The following GPRIN2 variants were observed in gnomAD, a reference collection of about 807,000 sequenced individuals.
The protein encoded by GPRIN2 is G protein-regulated inducer of neurite outgrowth 2.
A neutral mutation model predicts 0.3 loss-of-function variants in GPRIN2; 1 was observed. That is an observed-to-expected ratio of 3.90 (90% CI 1.39 to 18.51). GPRIN2 has a LOEUF of 18.51. Among genes scored for constraint, GPRIN2 ranks in the 30% most tolerant of loss-of-function variants. The pLI is 0.11. For synonymous variants in GPRIN2, 361 were observed against 258.6 expected (o/e 1.40, Z -3.80); for missense variants, 880 against 604.2 (o/e 1.46, Z -4.79).
At position 46,550,247 on chromosome 10, in the gene GPRIN2, G is replaced by A. The variant is rs1832435416; in HGVS notation, c.490C>T (p.Gln164Ter). The A allele has an allele frequency of 1.9e-6, 3 of 1,609,660 alleles. No homozygotes were observed. Among genetic ancestry groups the A allele is most frequent in the East Asian group, 2.2e-5 (1 of 44,786 alleles). Residue 164 changes from glutamine to a stop codon, truncating the protein, a stop_gained, in exon 3 of 3, where the codon CAG becomes TAG. Coordinates refer to ENST00000374314, the MANE Select transcript of GPRIN2 (RefSeq NM_001385282.1). LOFTEE classifies it low-confidence loss of function (END_TRUNC). The part of the protein sequence containing the change: ...AQLQPGGTSG[Q>*]GGQAPAGLER... Reference sequence around the variant, plus strand: ...AGGCCTGCAGGGGCCTGGCCACCCTGGCCAGAAGTACCACCTGGCTGCAGC... The same window carrying A: ...AGGCCTGCAGGGGCCTGGCCACCCTAGCCAGAAGTACCACCTGGCTGCAGC...
rs1191725547 is a variant in GPRIN2, at chr10:46,541,893, C to A, written c.*7467G>T. On this transcript the variant is annotated 3_prime_UTR_variant, in exon 3 of 3. Transcript: ENST00000374314. ...TATCCCAGGTGCCAGCCCCCTGTGT[C>A]CACACCCCTGCTGGTTCCTGCCCCA... Among the ~76,000 whole-genome samples the A allele has an allele frequency of 4.6e-5, 7 of 152,296 alleles. No homozygotes were observed. Among genetic ancestry groups the A allele is most frequent in the African/African-American group, 1.7e-4 (7 of 41,474 alleles).
chr10:46,551,917 GC>G (rs1842658488), intron 2 of GPRIN2, among the ~76,000 whole-genome samples: 2 of 152,430 alleles, frequency 1.3e-5, no homozygotes, highest in East Asian at 3.8e-4. Flanking sequence ...GCAAAGCCTG[GC>G]CTGTGGCCTG....
In GPRIN2 at chr10:46,543,878, C is replaced by T. The variant is rs945233040; in HGVS notation, c.*5482G>A. 3.3e-5 allele frequency among the ~76,000 whole-genome samples: 5 copies of T among 152,276 alleles called. No individual in the cohort carries two copies. Among genetic ancestry groups the T allele is most frequent in the Non-Finnish European group, 5.9e-5 (4 of 68,056 alleles). On this transcript the variant is annotated 3_prime_UTR_variant, in exon 3 of 3. Coordinates refer to ENST00000374314, the MANE Select transcript of GPRIN2 (RefSeq NM_001385282.1). ...TGACCGCACAAGTGAGCAAAGGCGG[C>T]ATTCACCCAACTCTTGGGACAAGGC...
rs1487318509 is a variant in GPRIN2 at position 46,544,362 on chromosome 10, C to CA, written c.*4997dup. Among the ~76,000 whole-genome samples, 7 of 152,302 alleles carry CA rather than the reference C, an allele frequency of 4.6e-5. No homozygotes were observed. The highest frequency in any genetic ancestry group is 2.1e-4 in the South Asian group (1 of 4,834). On this transcript the variant is annotated 3_prime_UTR_variant, in exon 3 of 3. Coordinates refer to ENST00000374314, the MANE Select transcript of GPRIN2 (RefSeq NM_001385282.1). ...TTTTTGAAACAGGGTCTGGCTCCGTCATCCAGGCTGGAGCACAGTGGCACT... is the reference window on the plus strand; with the variant it reads ...TTTTTGAAACAGGGTCTGGCTCCGTCAATCCAGGCTGGAGCACAGTGGCACT...
At position 46,544,997 on chromosome 10, in the gene GPRIN2, A is replaced by G. The variant is rs1336629521; in HGVS notation, c.*4363T>C. Reference sequence around the variant, plus strand: ...GATAAAGGACTTGTCATAGCTTCAGATGGCAAAACCAGGCCAGGCCAGAAT... The same window carrying G: ...GATAAAGGACTTGTCATAGCTTCAGGTGGCAAAACCAGGCCAGGCCAGAAT... On this transcript the variant is annotated 3_prime_UTR_variant, in exon 3 of 3. Transcript: ENST00000374314. Among the ~76,000 whole-genome samples, 1 of 152,306 alleles carries G rather than the reference A, an allele frequency of 6.6e-6. No homozygotes were observed. The highest frequency in any genetic ancestry group is 2.4e-5 in the African/African-American group (1 of 41,488).
intron 2 of GPRIN2, among the ~76,000 whole-genome samples, chr10:46,552,305 A>G (rs1012034462): frequency 2.6e-5 from 4 of 152,304 alleles, no homozygotes; most frequent in African/African-American, 9.6e-5. Context: ...TGAATTAGGG[A>G]GATCACTCTG....
chr10:46,550,414 C>T lies in GPRIN2; in HGVS notation c.323G>A (p.Arg108His), dbSNP rs1832377319. The T allele has an allele frequency of 6.6e-5, 106 of 1,611,646 alleles. No individual in the cohort carries two copies. Among genetic ancestry groups the T allele is most frequent in the East Asian group, 6.2e-4 (28 of 44,854 alleles). Residue 108 changes from arginine to histidine, a missense_variant, in exon 3 of 3, where the codon CGC (arginine) becomes CAC (histidine). Arg to His is a conservative substitution (Grantham distance 29). Coordinates refer to ENST00000374314, the MANE Select transcript of GPRIN2 (RefSeq NM_001385282.1). ...AGCAGCAGCACTAGGGGCCCGCAGG[C>T]GACACAGGTCACTGCCGCCCATGGT... ...VSTMGGSDLC[R>H]LRAPSAAAMQ... is the part of the protein sequence containing the mutation.
intron 1 of GPRIN2, among the ~76,000 whole-genome samples, chr10:46,556,128 C>T (rs1303830203): frequency 1.3e-5 from 2 of 152,298 alleles, no homozygotes; most frequent in Admixed American, 6.5e-5. Flanking sequence ...ACAGGAGAAG[C>T]CAAAGGGCAG....
chr10:46,545,223 C>G lies in GPRIN2; in HGVS notation c.*4137G>C, dbSNP rs1260543053. ...TGCCTGTGACTCCCTCTGGTGGTTTCTGTGCACAACTTCCCCCAAAATAGG... is the reference window on the plus strand; with the variant it reads ...TGCCTGTGACTCCCTCTGGTGGTTTGTGTGCACAACTTCCCCCAAAATAGG... On this transcript the variant is annotated 3_prime_UTR_variant, in exon 3 of 3. Transcript: ENST00000374314. Among the ~76,000 whole-genome samples the G allele has an allele frequency of 6.6e-6, 1 of 152,310 alleles. No homozygotes were observed. The highest frequency in any genetic ancestry group is 1.9e-4 in the East Asian group (1 of 5,208).
rs1173768562 is a variant in GPRIN2, at chr10:46,543,143, G to C, written c.*6217C>G. On this transcript the variant is annotated 3_prime_UTR_variant, in exon 3 of 3. Transcript: ENST00000374314. ...AGATGTTTTGGTTTGTGTCCAAAGAGGGGAAGGACAGGTGGAGAGAAAGGG... is the reference window on the plus strand; with the variant it reads ...AGATGTTTTGGTTTGTGTCCAAAGACGGGAAGGACAGGTGGAGAGAAAGGG... Among the ~76,000 whole-genome samples, 1 of 152,310 alleles carries C rather than the reference G, an allele frequency of 6.6e-6. No homozygotes were observed. Among genetic ancestry groups the C allele is most frequent in the Non-Finnish European group, 1.5e-5 (1 of 68,058 alleles).
chr10:46,550,338 G>A lies in GPRIN2; in HGVS notation c.399C>T (p.His133=), dbSNP rs1832404468. Residue 133 remains histidine (H), a synonymous_variant, in exon 3 of 3, where the codon CAC becomes CAT. Transcript: ENST00000374314. ...DLVRSTQMRG[H]SGARKASLSC... ...TGAGACTGGCCTTCCGAGCACCACTGTGTCCCCGCATCTGGGTGCTACGGA... is the reference window on the plus strand; with the variant it reads ...TGAGACTGGCCTTCCGAGCACCACTATGTCCCCGCATCTGGGTGCTACGGA... The A allele has an allele frequency of 1.2e-6, 2 of 1,613,100 alleles. No individual in the cohort carries two copies.
intron 1 of GPRIN2, among the ~76,000 whole-genome samples, chr10:46,556,142 G>A (rs1447795751): frequency 6.6e-6 from 1 of 152,308 alleles, no homozygotes; most frequent in African/African-American, 2.4e-5. Flanking sequence ...AGGGCAGCAA[G>A]GCTGGGGGCG....
In GPRIN2 at chr10:46,550,066, G is replaced by A; in HGVS notation, c.671C>T (p.Thr224Ile). 1.9e-6 allele frequency: 3 copies of A among 1,613,768 alleles called. No individual in the cohort carries two copies. Among genetic ancestry groups the A allele is most frequent in the Non-Finnish European group, 2.5e-6 (3 of 1,179,974 alleles). ...EPKAAEQLATTTCHALPPAAL... is the reference protein window; with the variant it reads ...EPKAAEQLATITCHALPPAAL... ...AGCTGGGGGCAGAGCATGGCAGGTG[G>A]TGGTAGCCAGCTGTTCAGCAGCTTT... The change falls in exon 3 of 3, where the codon ACC (threonine) becomes ATC (isoleucine). Residue 224 changes from threonine (T) to isoleucine (I), a missense_variant. Physicochemically the swap from Thr to Ile is moderately conservative, Grantham distance 89. Transcript: ENST00000374314.
Position 46,549,895 on chromosome 10 carries a change from C to T in GPRIN2, c.842G>A (p.Arg281Lys). ...QAQHGVKIHC[R>K]LSGGLPGHSH... is the part of the protein sequence containing the mutation. ...ATGCCCAGGGAGCCCCCCAGACAAC[C>T]TACAGTGGATCTTCACCCCATGCTG... Residue 281 changes from arginine (R) to lysine (K), a missense_variant, in exon 3 of 3, where the codon AGG becomes AAG. Arg to Lys is a conservative substitution (Grantham distance 26, BLOSUM62 2). Coordinates refer to ENST00000374314, the MANE Select transcript of GPRIN2 (RefSeq NM_001385282.1). 1.2e-6 allele frequency: 2 copies of T among 1,614,276 alleles called. No homozygotes were observed. The highest frequency in any genetic ancestry group is 1.7e-6 in the Non-Finnish European group (2 of 1,180,056).
chr10:46,550,758 A>G lies in GPRIN2; in HGVS notation c.-6-16T>C, dbSNP rs1832252186. On this transcript the variant is annotated splice_polypyrimidine_tract_variant and intron_variant, in intron 2 of 2. Transcript: ENST00000374314. Reference sequence around the variant, plus strand: ...TCATGGCTGCCTGCAGAAGAGAGAAAGGGAGGGAGTGGAGTTGAGTTGGGT... The same window carrying G: ...TCATGGCTGCCTGCAGAAGAGAGAAGGGGAGGGAGTGGAGTTGAGTTGGGT... 1.3e-6 allele frequency: 2 copies of G among 1,494,858 alleles called. No homozygotes were observed. The highest frequency in any genetic ancestry group is 2.8e-5 in the African/African-American group (2 of 71,164). The allele number at this position is 1,494,858 out of a possible 1,614,324, so 92.6% of individuals were successfully genotyped here. A position where few individuals can be genotyped will look rare whatever the true frequency, so the allele number is the denominator to read the frequency against.
chr10:46,549,415 A>C lies in GPRIN2; in HGVS notation c.1322T>G (p.Met441Arg), dbSNP rs1832729068. The C allele has an allele frequency of 6.4e-7, 1 of 1,559,396 alleles. No individual in the cohort carries two copies. Among genetic ancestry groups the C allele is most frequent in the East Asian group, 2.3e-5 (1 of 42,946 alleles). ...GCAGCTGGGGCGCCGCAGGGACTGC[A>C]TGACAGCCCGCAGTGGCCCCCTCCG... ...EGRRGPLRAV[M>R]QSLRRPSCCG... is the part of the protein sequence containing the mutation. Residue 441 changes from methionine (M) to arginine (R), a missense_variant, in exon 3 of 3, where the codon ATG becomes AGG. Met to Arg is a moderately conservative substitution (Grantham distance 91, BLOSUM62 -1). Coordinates refer to ENST00000374314, the MANE Select transcript of GPRIN2 (RefSeq NM_001385282.1).
At chr10:46,554,952 T>C (rs1831956735) in intron 1 of GPRIN2, among the ~76,000 whole-genome samples, 642 of 152,036 alleles carry the variant, frequency 4.2e-3, no homozygotes, top group African/African-American at 0.015. Context: ...GTTTTGTTCG[T>C]TCGTTTGTTT....
chr10:46,548,323 C>A lies in GPRIN2; in HGVS notation c.*1037G>T, dbSNP rs1475827541. ...CAGGTCATGTGGGCAAGCGAGCCCC[C>A]ACAGCCTCACAGCCCCTACCCCAGG... On this transcript the variant is annotated 3_prime_UTR_variant, in exon 3 of 3. Coordinates refer to ENST00000374314, the MANE Select transcript of GPRIN2 (RefSeq NM_001385282.1). Among the ~76,000 whole-genome samples the A allele has an allele frequency of 6.6e-6, 1 of 152,260 alleles. No homozygotes were observed. The highest frequency in any genetic ancestry group is 1.5e-5 in the Non-Finnish European group (1 of 68,044).
In GPRIN2 at chr10:46,550,518, C is replaced by T. The variant is rs1555020408; in HGVS notation, c.219G>A (p.Lys73=). 2.5e-6 allele frequency: 4 copies of T among 1,601,522 alleles called. No individual in the cohort carries two copies. The South Asian group carries it at 4.5e-5, about 18-fold the overall frequency. The change falls in exon 3 of 3, where the codon AAG becomes AAA. Residue 73 remains lysine, a synonymous_variant. Coordinates refer to ENST00000374314, the MANE Select transcript of GPRIN2 (RefSeq NM_001385282.1). The stretch of plus-strand genomic sequence containing the variant: ...CCTTGGGGCCAGAGGCCCGTGCTGG[C>T]TTCATGCTCTCAGGCGGGTTCCCCT... ...EEEGNPPESM[K]PARASGPKAR...
Sources: gnomAD v4.1 joint callset for allele counts (sites outside exome capture counted in the v4.1 genomes callset) on GRCh38, gnomAD v4.1.1 for gene constraint, MANE v1.5 for transcripts, NCBI Gene and HGNC (gene_info 2026-07-23, HGNC 2026-07-21) for gene names.